The following DHRS9 variants were observed in gnomAD, a reference collection of about 807,000 sequenced individuals.
DHRS9 encodes the protein dehydrogenase/reductase SDR family member 9.
In DHRS9, 18 loss-of-function variants were observed where a neutral mutation model predicts 26.6. The ratio of observed to expected loss-of-function variants is 0.68; its 90% CI spans 0.47 to 1.00. The LOEUF (loss-of-function observed/expected upper bound fraction) is 1.00, where lower values mean the gene tolerates loss of function less well. Among genes scored for constraint, DHRS9 ranks in the 50% least tolerant of loss-of-function variants. The pLI, the probability that DHRS9 is intolerant of heterozygous loss-of-function variation, is 0.00. For synonymous variants in DHRS9, 134 were observed against 141.1 expected, an observed-to-expected ratio of 0.95 and a Z score of 0.36; for missense variants, 425 against 378.7, an observed-to-expected ratio of 1.12 and a Z score of -1.01.
At chr2:169,075,740 A>G (rs1032923025) in intron 1 of DHRS9, among the ~76,000 whole-genome samples, 1 of 152,162 alleles carries the variant, frequency 6.6e-6, no homozygotes, top group Non-Finnish European at 1.5e-5. Context: ...CCATATATTT[A>G]GAAGCACTGG....
intron 3 of DHRS9, among the ~76,000 whole-genome samples, chr2:169,087,343 C>G (rs1472589720): frequency 1.3e-5 from 2 of 148,832 alleles, no homozygotes; most frequent in Admixed American, 6.7e-5. Flanking sequence ...AGCTTGTGGT[C>G]AATGTTGTTA....
chr2:169,081,616 G>A lies in DHRS9; in HGVS notation c.35G>A (p.Cys12Tyr). Reference protein sequence around the residue: ...LFWVLGLLILCGFLWTRKGKL... With the variant: ...LFWVLGLLILYGFLWTRKGKL... The stretch of plus-strand genomic sequence containing the variant: ...TGGGTGCTAGGCCTCCTAATCCTCT[G>A]TGGTTTTCTGTGGACTCGTAAAGGA... Residue 12 changes from cysteine to tyrosine, a missense_variant, in exon 2 of 5, where the codon TGT becomes TAT. Coordinates refer to ENST00000674881, the MANE Select transcript of DHRS9 (RefSeq NM_001376924.1). 1.2e-6 allele frequency: 2 copies of A among 1,614,116 alleles called. No individual in the cohort carries two copies. The highest frequency in any genetic ancestry group is 1.1e-5 in the South Asian group (1 of 91,082).
Position 169,084,980 on chromosome 2 carries a change from C to A in DHRS9, c.572+1393C>A, listed in dbSNP as rs150163777. 3.4e-3 allele frequency among the ~76,000 whole-genome samples: 514 copies of A among 152,226 alleles called. 4 individuals carry two copies. The highest frequency in any genetic ancestry group is 0.011 in the African/African-American group (452 of 41,554). ...AGAGTTTGAGGTCTTAGATTTAAGT[C>A]TTTAATCCATTTTGATATGATTTTT... On this transcript the variant is annotated intron_variant, in intron 3 of 4. Transcript: ENST00000674881.
At chr2:169,070,592 T>G in intron 1 of DHRS9, 1 of 984,810 alleles carries the variant, frequency 1.0e-6, no homozygotes, top group Non-Finnish European at 1.2e-6. Context: ...AAGTTAAATG[T>G]TATACCACCT....
intron 2 of DHRS9, 134 bp from the exon 3 acceptor site, chr2:169,083,195 C>A: frequency 8.7e-7 from 1 of 1,147,552 alleles, no homozygotes. Flanking sequence ...CCCAAAACTG[C>A]GAAGTATTTC....
intron 3 of DHRS9, 25 bp downstream of exon 3, chr2:169,083,612 A>C (rs771616595): frequency 5.0e-6 from 8 of 1,608,540 alleles, no homozygotes; most frequent in African/African-American, 4.0e-5. Flanking sequence ...TCAACTTATT[A>C]GGAAACAATA....
intron 3 of DHRS9, among the ~76,000 whole-genome samples, chr2:169,088,223 G>C (rs868572134): frequency 2.0e-5 from 3 of 152,178 alleles, no homozygotes; most frequent in Non-Finnish European, 2.9e-5. Context: ...CCCTCTATGG[G>C]TGCTGGCTGA....
In DHRS9 at chr2:169,081,718, C is replaced by T. The variant is rs867283441; in HGVS notation, c.137C>T (p.Ala46Val). The T allele has an allele frequency of 7.4e-6, 12 of 1,614,022 alleles. No homozygotes were observed. In the African/African-American group the frequency reaches 1.3e-4, roughly 18 times the overall value. Reference protein sequence around the residue: ...GCDSGFGNLAARTFDKKGFHV... With the variant: ...GCDSGFGNLAVRTFDKKGFHV... ...GACTCGGGCTTTGGAAACTTGGCAG[C>T]CAGAACTTTTGATAAAAAGGGATTT... The change falls in exon 2 of 5, where the codon GCC (alanine) becomes GTC (valine). Residue 46 changes from alanine (A) to valine (V), a missense_variant. By Grantham distance (64) the Ala-to-Val change is moderately conservative. Transcript: ENST00000674881.
At chr2:169,083,282 A>C (rs1246444546) in intron 2 of DHRS9, 47 bp from the exon 3 acceptor site, 1 of 1,590,426 alleles carries the variant, frequency 6.3e-7, no homozygotes, top group Admixed American at 1.7e-5. Context: ...AAAGGTGGCA[A>C]ATAAGTACTG....
intron 1 of DHRS9, among the ~76,000 whole-genome samples, chr2:169,079,914 G>GGGGAGAGAGAGAGAGAGAGAGA (rs1684100762): frequency 2.2e-5 from 1 of 44,812 alleles, no homozygotes; most frequent in Non-Finnish European, 3.8e-5. Context: ...AGGGAGGGAG[G>GGGGAGAGAGAGAGAGAGAGAGA]GAGGGGGAGA....
rs747307073 is a variant in DHRS9, at chr2:169,095,689, G to C, written c.882G>C (p.Leu294=). 1.9e-6 allele frequency: 3 copies of C among 1,613,938 alleles called. No individual in the cohort carries two copies. Among genetic ancestry groups the C allele is most frequent in the Admixed American group, 1.7e-5 (1 of 59,986 alleles). The change falls in exon 5 of 5, where the codon CTG becomes CTC. Residue 294 remains leucine, a synonymous_variant. Coordinates refer to ENST00000674881, the MANE Select transcript of DHRS9 (RefSeq NM_001376924.1). ...ATGCCAAAATTTTCTGGATACCTCT[G>C]TCTCACATGCCAGCAGCTTTGCAAG... ...GKDAKIFWIP[L]SHMPAALQDF... is the part of the protein sequence containing the mutation.
In DHRS9 at chr2:169,090,024, A is replaced by G. The variant is rs555428512; in HGVS notation, c.573-1766A>G. Among the ~76,000 whole-genome samples the G allele has an allele frequency of 3.3e-5, 5 of 152,330 alleles. No individual in the cohort carries two copies. In the East Asian group the frequency reaches 9.6e-4, roughly 29 times the overall value. On this transcript the variant is annotated intron_variant, in intron 3 of 4. Coordinates refer to ENST00000674881, the MANE Select transcript of DHRS9 (RefSeq NM_001376924.1). ...TTACTCACTTTTAAAAAAGATTTCA[A>G]CTGAAGGGTTTGTGAGCTTTGCCAT...
chr2:169,076,030 A>T (rs1356159670), intron 1 of DHRS9, among the ~76,000 whole-genome samples: 1 of 152,208 alleles, frequency 6.6e-6, no homozygotes, highest in Non-Finnish European at 1.5e-5. Flanking sequence ...GCATCCATTG[A>T]TCATTCCTGC....
intron 3 of DHRS9, among the ~76,000 whole-genome samples, chr2:169,088,590 T>C (rs1162860777): frequency 6.6e-6 from 1 of 152,240 alleles, no homozygotes; most frequent in Non-Finnish European, 1.5e-5. Flanking sequence ...GCTCCACCTC[T>C]ACCCTATTTA....
chr2:169,068,216 T>C (rs925568370), upstream of DHRS9, among the ~76,000 whole-genome samples: 3 of 152,240 alleles, frequency 2.0e-5, no homozygotes, highest in Non-Finnish European at 4.4e-5. Context: ...GTATTGTCTA[T>C]GAGGTTTTAT....
Position 169,083,495 on chromosome 2 carries a change from T to G in DHRS9, c.480T>G (p.Ile160Met). The G allele has an allele frequency of 1.2e-6, 2 of 1,614,086 alleles. No homozygotes were observed. Among genetic ancestry groups the G allele is most frequent in the Non-Finnish European group, 1.7e-6 (2 of 1,179,968 alleles). Residue 160 changes from isoleucine (I) to methionine (M), a missense_variant, in exon 3 of 5, where the codon ATT becomes ATG. Coordinates refer to ENST00000674881, the MANE Select transcript of DHRS9 (RefSeq NM_001376924.1). ...PLVKKAQGRV[I>M]NVSSVGGRLA... ...TCAAGAAAGCTCAAGGGAGAGTTAT[T>G]AATGTCTCCAGTGTTGGAGGTCGCC...
chr2:169,073,380 A>G (rs559207388), intron 1 of DHRS9, among the ~76,000 whole-genome samples: 3 of 152,382 alleles, frequency 2.0e-5, no homozygotes, highest in African/African-American at 7.2e-5. Flanking sequence ...ATAAATATTT[A>G]TAGATCCTAG....
In DHRS9 at chr2:169,087,682, A is replaced by G. The variant is rs1684395642; in HGVS notation, c.572+4095A>G. Reference sequence around the variant, plus strand: ...TATTGCTCCTGATTTTTCAGGGCCCAAGGGCTCTTTAGTCAGCAGGTAATG... The same window carrying G: ...TATTGCTCCTGATTTTTCAGGGCCCGAGGGCTCTTTAGTCAGCAGGTAATG... On this transcript the variant is annotated intron_variant, in intron 3 of 4. Coordinates refer to ENST00000674881, the MANE Select transcript of DHRS9 (RefSeq NM_001376924.1). Among the ~76,000 whole-genome samples the G allele has an allele frequency of 2.6e-5, 4 of 152,234 alleles. 1 individual carries two copies. Among genetic ancestry groups the G allele is most frequent in the African/African-American group, 9.6e-5 (4 of 41,552 alleles).
intron 1 of DHRS9, chr2:169,070,266 T>C (rs1683759467): frequency 2.0e-6 from 2 of 985,292 alleles, no homozygotes; most frequent in Non-Finnish European, 2.4e-6. Flanking sequence ...CAACAATTCA[T>C]ATTTGATCCC....
Sources: allele counts gnomAD v4.1 joint callset (sites outside exome capture counted in the v4.1 genomes callset), GRCh38; gene constraint gnomAD v4.1.1; transcripts MANE v1.5; gene names NCBI Gene and HGNC (gene_info 2026-07-23, HGNC 2026-07-21).